The following ZNF593OS variants were observed in gnomAD, a reference collection of about 807,000 sequenced individuals.
ZNF593OS encodes the protein ZNF593 opposite strand, also known as transmembrane protein ZNF593OS.
At position 26,171,742 on chromosome 1, in the gene ZNF593OS, T is replaced by C. The variant is rs1478194726; in HGVS notation, c.-81A>G. On this transcript the variant is annotated 5_prime_UTR_variant, in exon 1 of 2. Transcript: ENST00000648649. This position sits in a 1 kb window ranked among gnomAD's most constrained non-coding sequence, Gnocchi z 5.5. ...CAGTGGTCTTCATGACACCAAGAAG[T>C]GGAAACTAGGGTAGAGGGGTCTCTG... 7.5e-6 allele frequency: 3 copies of C among 397,634 alleles called. No individual in the cohort carries two copies. The highest frequency in any genetic ancestry group is 1.3e-5 in the Non-Finnish European group (3 of 225,826). The allele number at this position is 397,634 out of a possible 1,614,324, so 24.6% of individuals were successfully genotyped here.
downstream of ZNF593OS, chr1:26,170,164 C>T (rs1322422104): frequency 1.3e-6 from 2 of 1,570,922 alleles, no homozygotes; most frequent in Non-Finnish European, 8.6e-7. Context: ...GGGCGGTCTG[C>T]ACCGCTGTCT....
downstream of ZNF593OS, chr1:26,170,048 A>G (rs370780664): frequency 1.3e-6 from 2 of 1,573,960 alleles, no homozygotes. Context: ...ATGAAGGCGA[A>G]GCGGCGGCGG....
exon 2 of ZNF593OS, chr1:26,170,630 G>T: frequency 6.2e-7 from 1 of 1,613,342 alleles, no homozygotes. Context: ...GAGGGCAGCG[G>T]GTATGGGATC....
At chr1:26,170,934 C>G in exon 2 of ZNF593OS, 1 of 629,294 alleles carries the variant, frequency 1.6e-6, no homozygotes, top group Admixed American at 2.9e-5. Context: ...AAGGGCTTCT[C>G]TACTACTTTC....
At chr1:26,169,781 C>G (rs1470234556), downstream of ZNF593OS, 1 of 587,130 alleles carries the variant, frequency 1.7e-6, no homozygotes, top group Non-Finnish European at 2.8e-6. Flanking sequence ...CTTCTGGGAG[C>G]CCGTCCTGAG....
chr1:26,170,018 C>G (rs1423069393), downstream of ZNF593OS: 1 of 1,564,056 alleles, frequency 6.4e-7, no homozygotes, highest in Non-Finnish European at 8.6e-7. Flanking sequence ...GCGCACCGAG[C>G]GCACTCTCTA....
chr1:26,169,822 G>C, downstream of ZNF593OS: 1 of 755,988 alleles, frequency 1.3e-6, no homozygotes, highest in Non-Finnish European at 2.0e-6. Context: ...GCCGCCTGGC[G>C]GCGCTCGAGC....
downstream of ZNF593OS, chr1:26,169,867 G>T: frequency 8.6e-7 from 1 of 1,166,144 alleles, no homozygotes; most frequent in South Asian, 1.7e-5. Flanking sequence ...GAGGCGGTCC[G>T]GCCGAGCCTG....
At chr1:26,169,900 A>G, downstream of ZNF593OS, 3 of 1,370,656 alleles carry the variant, frequency 2.2e-6, no homozygotes, top group South Asian at 1.5e-5. Flanking sequence ...GCGTGGCCTG[A>G]CGTAGCTGAT....
In ZNF593OS at chr1:26,171,813, G is replaced by A. The variant is rs1287034627; in HGVS notation, c.-152C>T. On this transcript the variant is annotated 5_prime_UTR_variant, in exon 1 of 2. Transcript: ENST00000648649. The surrounding 1 kb of genome is among the most constrained non-coding windows in gnomAD (Gnocchi z 5.5). ...CCAAGCTCTCAGAGGATGCTCACCC[G>A]CGCCTGCCTGCCCAGGTCTGGCAGG... 11 of 396,314 alleles carry A rather than the reference G, an allele frequency of 2.8e-5. No homozygotes were observed. The highest frequency in any genetic ancestry group is 4.0e-5 in the Non-Finnish European group (9 of 225,190). 24.5% of individuals were successfully genotyped at this position (396,314 alleles called of 1,614,324 possible).
At chr1:26,170,173 C>G, downstream of ZNF593OS, 2 of 1,571,638 alleles carry the variant, frequency 1.3e-6, no homozygotes, top group South Asian at 2.3e-5. Context: ...GCACCGCTGT[C>G]TGGCCTGCGC....
downstream of ZNF593OS, chr1:26,170,326 T>C: frequency 6.5e-7 from 1 of 1,535,426 alleles, no homozygotes; most frequent in South Asian, 1.2e-5. Context: ...CAGACCCGGA[T>C]CCTGGCGTCA....
In ZNF593OS at chr1:26,171,481, G is replaced by A. The variant is rs2088497067; in HGVS notation, c.45+136C>T. 1.8e-5 allele frequency: 7 copies of A among 398,446 alleles called. No individual in the cohort carries two copies. The highest frequency in any genetic ancestry group is 4.4e-5 in the Admixed American group (1 of 22,720). The allele number at this position is 398,446 out of a possible 1,614,324, so 24.7% of individuals were successfully genotyped here. The stretch of plus-strand genomic sequence containing the variant: ...GGGAGATTCCACCCCAATCCCTTTC[G>A]CCTCACTGCCCATCTGGGCCTGCCT... On this transcript the variant is annotated intron_variant, in intron 1 of 1. Transcript: ENST00000648649. The surrounding 1 kb of genome is among the most constrained non-coding windows in gnomAD (Gnocchi z 5.5).
Position 26,170,695 on chromosome 1 carries a change from T to A in ZNF593OS, c.*494A>T, listed in dbSNP as rs1389937747. 4 of 1,608,044 alleles carry A rather than the reference T, an allele frequency of 2.5e-6. No individual in the cohort carries two copies. The African/African-American group carries it at 5.3e-5, about 21-fold the overall frequency. ...CCACGGAAGTGTCCACTGAGGTCCC[T>A]GAGATGGATACCTCTACCTGACATG... On this transcript the variant is annotated 3_prime_UTR_variant, in exon 2 of 2. Coordinates refer to ENST00000648649, the Ensembl canonical transcript of ZNF593OS.
chr1:26,171,560 A>G lies in ZNF593OS; in HGVS notation c.45+57T>C. 1 of 398,444 alleles carries G rather than the reference A, an allele frequency of 2.5e-6. No homozygotes were observed. The highest frequency in any genetic ancestry group is 3.6e-5 in the East Asian group (1 of 28,060). The allele number at this position is 398,444 out of a possible 1,614,324, so 24.7% of individuals were successfully genotyped here. ...GGCTGTTGGGGGTGTCAACCCAGCT[A>G]TGGTAGGGGGAGGAAGGGGTCAGTC... On this transcript the variant is annotated intron_variant, in intron 1 of 1. Coordinates refer to ENST00000648649, the Ensembl canonical transcript of ZNF593OS. The surrounding 1 kb of genome is among the most constrained non-coding windows in gnomAD (Gnocchi z 5.5).
chr1:26,170,536 A>G, exon 2 of ZNF593OS: 1 of 1,614,094 alleles, frequency 6.2e-7, no homozygotes, highest in African/African-American at 1.3e-5. Context: ...TAGGGCTCTC[A>G]CCTGGTCAGC....
At position 26,171,212 on chromosome 1, in the gene ZNF593OS, G is replaced by A. The variant is rs1311343489; in HGVS notation, c.169C>T (p.Arg57Trp). 5 of 406,854 alleles carry A rather than the reference G, an allele frequency of 1.2e-5. No homozygotes were observed. The highest frequency in any genetic ancestry group is 2.2e-5 in the Non-Finnish European group (5 of 230,556). 25.2% of individuals were successfully genotyped at this position (406,854 alleles called of 1,614,324 possible). Residue 57 changes from arginine to tryptophan, a missense_variant, in exon 2 of 2, where the codon CGG becomes TGG. Arg to Trp is a moderately radical substitution (Grantham distance 101). Transcript: ENST00000648649. This position sits in a 1 kb window ranked among gnomAD's most constrained non-coding sequence, Gnocchi z 5.5. Reference sequence around the variant, plus strand: ...CGTTACGGGGCCCGTGGCACCCGCCGCTGCCCCACCATCTTCCAGACGGCA... The same window carrying A: ...CGTTACGGGGCCCGTGGCACCCGCCACTGCCCCACCATCTTCCAGACGGCA...
At chr1:26,170,133 G>A, downstream of ZNF593OS, 1 of 1,571,770 alleles carries the variant, frequency 6.4e-7, no homozygotes, top group Non-Finnish European at 8.6e-7. Flanking sequence ...CAAACGCCGA[G>A]TTCGACCCCG....
downstream of ZNF593OS, chr1:26,170,075 T>C: frequency 6.4e-7 from 1 of 1,574,000 alleles, no homozygotes; most frequent in South Asian, 1.2e-5. Context: ...TTGGATGAGA[T>C]TCACCGCGAG....
Sources: allele counts gnomAD v4.1 joint callset, GRCh38; gene constraint gnomAD v4.1.1; non-coding constraint Gnocchi (gnomAD v3.1); transcripts MANE v1.5; gene names NCBI Gene and HGNC (gene_info 2026-07-23, HGNC 2026-07-21).